Variants in SLC38A8 observed in about 807,000 individuals in gnomAD.
The protein encoded by SLC38A8 is solute carrier family 38 member 8.
SLC38A8 carries 65 observed loss-of-function variants against 46.0 expected under a neutral mutation model. The observed-to-expected ratio is 1.41, with a 90% CI of 1.16 to 1.74. The LOEUF (loss-of-function observed/expected upper bound fraction) is 1.74, where lower values mean the gene tolerates loss of function less well. Ranked by LOEUF, SLC38A8 falls within the 40% of genes most tolerant of loss-of-function variation. The probability of loss-of-function intolerance (pLI) is 0.00; values close to 1 mark genes in which losing one functional copy is unlikely to be tolerated. For synonymous variants in SLC38A8, 447 were observed against 243.7 expected, an observed-to-expected ratio of 1.83 and a Z score of -7.77; for missense variants, 998 against 567.9, an observed-to-expected ratio of 1.76 and a Z score of -7.70.
chr16:84,029,647 G>C, intron 5 of SLC38A8, 96 bp from the exon 6 acceptor site: 1 of 1,222,464 alleles, frequency 8.2e-7, no homozygotes, highest in African/African-American at 1.5e-5. Flanking sequence ...CTGGGAAAAT[G>C]TAACAGAGCA....
At chr16:84,013,496 T>C (rs1203862806) in intron 9 of SLC38A8, among the ~76,000 whole-genome samples, 1 of 127,818 alleles carries the variant, frequency 7.8e-6, no homozygotes, top group East Asian at 2.7e-4. Context: ...AGTGGCACCA[T>C]CTCGGCTCAC....
intron 7 of SLC38A8, among the ~76,000 whole-genome samples, chr16:84,022,008 A>G (rs970841698): frequency 1.3e-5 from 2 of 152,208 alleles, no homozygotes; most frequent in African/African-American, 4.8e-5. Flanking sequence ...ATCCATGAAT[A>G]GATTAATCCA....
At chr16:84,019,982 G>C (rs868019822) in intron 7 of SLC38A8, among the ~76,000 whole-genome samples, 24 of 152,348 alleles carry the variant, frequency 1.6e-4, no homozygotes, top group Middle Eastern at 6.8e-3. Flanking sequence ...ACAGGGGTTG[G>C]CACCTGATGC....
intron 7 of SLC38A8, among the ~76,000 whole-genome samples, chr16:84,020,146 T>G (rs1488623811): frequency 6.6e-6 from 1 of 151,640 alleles, no homozygotes; most frequent in Non-Finnish European, 1.5e-5. Flanking sequence ...CCGTTGTTTT[T>G]TTTTTTTTTT....
intron 9 of SLC38A8, 129 bp from the exon 10 acceptor site, chr16:84,013,181 G>A: frequency 2.1e-6 from 2 of 954,550 alleles, no homozygotes. Flanking sequence ...CCTGGCTCAG[G>A]CCCCCTGGAG....
At chr16:84,027,395 T>C (rs756582337) in intron 6 of SLC38A8, among the ~76,000 whole-genome samples, 2 of 151,602 alleles carry the variant, frequency 1.3e-5, no homozygotes, top group Non-Finnish European at 2.9e-5. Flanking sequence ...AAACACACAC[T>C]AGAAGTCCTG....
At chr16:84,027,282 G>A (rs1017978217) in intron 6 of SLC38A8, among the ~76,000 whole-genome samples, 20 of 152,266 alleles carry the variant, frequency 1.3e-4, no homozygotes, top group East Asian at 5.8e-4. Context: ...CCCAGGAGGC[G>A]GAGGCTGCAG....
intron 6 of SLC38A8, among the ~76,000 whole-genome samples, chr16:84,025,372 G>A (rs767854077): frequency 2.6e-5 from 4 of 152,170 alleles, no homozygotes; most frequent in East Asian, 3.9e-4. Flanking sequence ...CCCTCTGGCC[G>A]GATTTTCTCC....
intron 7 of SLC38A8, among the ~76,000 whole-genome samples, chr16:84,021,352 A>C (rs1317002498): frequency 6.6e-6 from 1 of 152,174 alleles, no homozygotes; most frequent in Admixed American, 6.5e-5. Flanking sequence ...GGAGTGAGCC[A>C]CGGCACCCGG....
chr16:84,042,041 T>C lies in SLC38A8; in HGVS notation c.117A>G (p.Gly39=), dbSNP rs1434868649. The C allele has an allele frequency of 3.7e-6, 6 of 1,613,816 alleles. No homozygotes were observed. In the African/African-American group the frequency reaches 4.0e-5, roughly 11 times the overall value. Residue 39 remains glycine (G), a synonymous_variant, in exon 2 of 11, where the codon GGA becomes GGG. Coordinates refer to ENST00000299709, the MANE Select transcript of SLC38A8 (RefSeq NM_001080442.3). ...AVFILMKSAL[G]AGLLNFPWAF... is the part of the protein sequence containing the mutation. ...CCCAGGGGAAGTTGAGCAGGCCAGCTCCCAGCGCGGACTTCATGAGGATGA... is the reference window on the plus strand; with the variant it reads ...CCCAGGGGAAGTTGAGCAGGCCAGCCCCCAGCGCGGACTTCATGAGGATGA...
rs977223076 is a variant in SLC38A8 at position 84,036,309 on chromosome 16, G to A, written c.388+393C>T. 1.8e-4 allele frequency among the ~76,000 whole-genome samples: 27 copies of A among 152,352 alleles called. No individual in the cohort carries two copies. In the Middle Eastern group the frequency reaches 0.014, roughly 77 times the overall value. On this transcript the variant is annotated intron_variant, in intron 3 of 10. Coordinates refer to ENST00000299709, the MANE Select transcript of SLC38A8 (RefSeq NM_001080442.3). Reference sequence around the variant, plus strand: ...AGATGCAGCTAAAGCAGTGCTTAGAGGGAAAGTCTTAGTCGGGAACTCGAG... The same window carrying A: ...AGATGCAGCTAAAGCAGTGCTTAGAAGGAAAGTCTTAGTCGGGAACTCGAG...
At chr16:84,040,974 C>G (rs983042676) in intron 2 of SLC38A8, 7 of 152,242 alleles carry the variant, frequency 4.6e-5, no homozygotes, top group African/African-American at 1.7e-4. Context: ...CAAACAGACC[C>G]GAAGAGCCTC....
intron 6 of SLC38A8, among the ~76,000 whole-genome samples, chr16:84,024,104 C>A (rs1422960502): frequency 6.6e-6 from 1 of 152,120 alleles, no homozygotes; most frequent in South Asian, 2.1e-4. Context: ...GTAACAGCCC[C>A]CCTCCCCCAA....
intron 3 of SLC38A8, among the ~76,000 whole-genome samples, chr16:84,036,151 T>G (rs13331359): frequency 0.63 from 95,548 of 152,096 alleles, 30,665 homozygotes; most frequent in East Asian, 0.85. Context: ...TCAATAATTG[T>G]CAATTAAACA....
chr16:84,017,724 G>T (rs539849119), intron 7 of SLC38A8, among the ~76,000 whole-genome samples: 1 of 152,222 alleles, frequency 6.6e-6, no homozygotes, highest in African/African-American at 2.4e-5. Context: ...CACACAGCTA[G>T]TTTTCGTGGA....
chr16:84,029,622 G>A (rs939608349), intron 5 of SLC38A8, 71 bp from the exon 6 acceptor site: 6 of 1,437,364 alleles, frequency 4.2e-6, no homozygotes, highest in Non-Finnish European at 5.8e-6. Context: ...CTGCAATGGT[G>A]AATTTTAAAG....
intron 4 of SLC38A8, among the ~76,000 whole-genome samples, chr16:84,032,319 G>C (rs1449211053): frequency 1.3e-5 from 2 of 152,194 alleles, no homozygotes; most frequent in Non-Finnish European, 2.9e-5. Flanking sequence ...CTCCCGAATA[G>C]CTGGGATTAC....
Position 84,022,636 on chromosome 16 carries a change from A to C in SLC38A8, c.805+139T>G, listed in dbSNP as rs182637821. The C allele has an allele frequency of 2.3e-4, 152 of 665,698 alleles. No homozygotes were observed. In the African/African-American group the frequency reaches 2.8e-3, roughly 12 times the overall value. 41.2% of individuals were successfully genotyped at this position (665,698 alleles called of 1,614,324 possible). A position where few individuals can be genotyped will look rare whatever the true frequency, so the allele number is the denominator to read the frequency against. Reference sequence around the variant, plus strand: ...TGAAATGAGGCCTTTTCCTATGCACACTAAGGATTAAATAAGATGCTCAAA... The same window carrying C: ...TGAAATGAGGCCTTTTCCTATGCACCCTAAGGATTAAATAAGATGCTCAAA... On this transcript the variant is annotated intron_variant, in intron 7 of 10. Coordinates refer to ENST00000299709, the MANE Select transcript of SLC38A8 (RefSeq NM_001080442.3).
chr16:84,012,341 C>A (rs574766279), intron 10 of SLC38A8, among the ~76,000 whole-genome samples: 14 of 152,266 alleles, frequency 9.2e-5, no homozygotes, highest in African/African-American at 3.4e-4. Flanking sequence ...GAGGCTCAGT[C>A]GTGTCTGATC....
Sources: allele counts gnomAD v4.1 joint callset (sites outside exome capture counted in the v4.1 genomes callset), GRCh38; gene constraint gnomAD v4.1.1; transcripts MANE v1.5; gene names NCBI Gene and HGNC (gene_info 2026-07-23, HGNC 2026-07-21).